DYNC2H1: variants seen among roughly 807,000 people sequenced by gnomAD.
The protein encoded by DYNC2H1 is dynein cytoplasmic 2 heavy chain 1.
A neutral mutation model predicts 570.0 loss-of-function variants in DYNC2H1; 410 were observed. The observed-to-expected ratio is 0.72, with a 90% CI of 0.66 to 0.78. DYNC2H1 has a LOEUF of 0.78. DYNC2H1 is among the 30% of genes least tolerant of loss of function. The probability of loss-of-function intolerance (pLI) is 0.00; values close to 1 mark genes in which losing one functional copy is unlikely to be tolerated. For synonymous variants in DYNC2H1, 1,688 were observed against 1,677.6 expected (o/e 1.01, Z -0.15); for missense variants, 4,865 against 5,046.4 (o/e 0.96, Z 1.09).
At chr11:103,383,646 T>C (rs1274562326) in intron 83 of DYNC2H1, among the ~76,000 whole-genome samples, 1 of 109,526 alleles carries the variant, frequency 9.1e-6, no homozygotes, top group Non-Finnish European at 2.0e-5. Flanking sequence ...GCTAATTTTT[T>C]TGTATTTTTA....
intron 12 of DYNC2H1, among the ~76,000 whole-genome samples, chr11:103,126,485 A>T (rs1462566361): frequency 6.6e-6 from 1 of 152,184 alleles, no homozygotes; most frequent in Non-Finnish European, 1.5e-5. Flanking sequence ...CTTGTGGTAG[A>T]TGCTTTCGTT....
intron 47 of DYNC2H1, among the ~76,000 whole-genome samples, chr11:103,197,450 T>C (rs992425777): frequency 6.6e-6 from 1 of 152,078 alleles, no homozygotes; most frequent in African/African-American, 2.4e-5. Context: ...ATTTCTTTTC[T>C]ATTTATTTAT....
At chr11:103,349,354 T>A (rs1939925417) in intron 82 of DYNC2H1, among the ~76,000 whole-genome samples, 1 of 152,168 alleles carries the variant, frequency 6.6e-6, no homozygotes, top group African/African-American at 2.4e-5. Flanking sequence ...GTTGTGTATA[T>A]ACATGATATA....
chr11:103,254,603 G>T lies in DYNC2H1; in HGVS notation c.10207-812G>T, dbSNP rs1208541208. 6.6e-6 allele frequency among the ~76,000 whole-genome samples: 1 copy of T among 152,058 alleles called. No homozygotes were observed. Among genetic ancestry groups the T allele is most frequent in the East Asian group, 1.9e-4 (1 of 5,196 alleles). On this transcript the variant is annotated intron_variant, in intron 66 of 88. Coordinates refer to ENST00000375735, the MANE Select transcript of DYNC2H1 (RefSeq NM_001377.3). The surrounding 1 kb of genome is among the most constrained non-coding windows in gnomAD (Gnocchi z 4.9). ...TTTGAGAAACAAATCTTTCCAAAGT[G>T]GCTGCACTATTTACTTTCCCACCAG...
At position 103,324,884 on chromosome 11, in the gene DYNC2H1, G is replaced by T. The variant is rs1337204510; in HGVS notation, c.12039+894G>T. On this transcript the variant is annotated intron_variant, in intron 82 of 88. Transcript: ENST00000375735. The surrounding 1 kb of genome is among the most constrained non-coding windows in gnomAD (Gnocchi z 5.2). ...ACCTTGCCAGCACCTGTTATTTTTTGACTTTTTAATAATAGCCAGTCTGAT... is the reference window on the plus strand; with the variant it reads ...ACCTTGCCAGCACCTGTTATTTTTTTACTTTTTAATAATAGCCAGTCTGAT... Among the ~76,000 whole-genome samples the T allele has an allele frequency of 1.3e-5, 2 of 152,054 alleles. No homozygotes were observed. Among genetic ancestry groups the T allele is most frequent in the Non-Finnish European group, 2.9e-5 (2 of 67,998 alleles).
intron 78 of DYNC2H1, among the ~76,000 whole-genome samples, 191 bp downstream of exon 78, chr11:103,308,022 T>G (rs1867380041): frequency 6.6e-6 from 1 of 152,240 alleles, no homozygotes; most frequent in South Asian, 2.1e-4. Flanking sequence ...TTCATACTTA[T>G]GTTTTTTGTT....
chr11:103,206,557 G>A (rs1420902915), intron 52 of DYNC2H1, among the ~76,000 whole-genome samples: 1 of 152,122 alleles, frequency 6.6e-6, no homozygotes, highest in Non-Finnish European at 1.5e-5. Context: ...TCAACATTAA[G>A]AAACTGGAGA....
intron 17 of DYNC2H1, among the ~76,000 whole-genome samples, chr11:103,141,738 C>T (rs1859948682): frequency 2.0e-5 from 3 of 152,230 alleles, no homozygotes; most frequent in Admixed American, 6.5e-5. Flanking sequence ...TTGCTCTCTT[C>T]AAAGCTGTCA....
chr11:103,389,775 A>C (rs1942055049), intron 83 of DYNC2H1, among the ~76,000 whole-genome samples: 2 of 151,972 alleles, frequency 1.3e-5, no homozygotes, highest in Non-Finnish European at 2.9e-5. Flanking sequence ...ATTCAGGAGC[A>C]GGTTGTTCAG....
intron 70 of DYNC2H1, among the ~76,000 whole-genome samples, chr11:103,263,510 T>C (rs1327655153): frequency 1.3e-5 from 2 of 151,976 alleles, no homozygotes; most frequent in Non-Finnish European, 1.5e-5. Flanking sequence ...TAACAAATAG[T>C]CTCTCACAAC....
At position 103,425,424 on chromosome 11, in the gene DYNC2H1, G is replaced by A. The variant is rs533718005; in HGVS notation, c.12367-10519G>A. Among the ~76,000 whole-genome samples the A allele has an allele frequency of 2.6e-5, 4 of 152,122 alleles. No individual in the cohort carries two copies. The South Asian group carries it at 8.3e-4, about 32-fold the overall frequency. The stretch of plus-strand genomic sequence containing the variant: ...ACTTTTCCTTGTATCCTCATATGGT[G>A]GAAAGAGTGCAGGCTAGCTCTCTAA... On this transcript the variant is annotated intron_variant, in intron 84 of 88. Transcript: ENST00000375735.
chr11:103,354,898 G>A (rs565466019), intron 82 of DYNC2H1, among the ~76,000 whole-genome samples: 1 of 149,954 alleles, frequency 6.7e-6, no homozygotes, highest in Non-Finnish European at 1.5e-5. Flanking sequence ...TGACTTTTCT[G>A]AATATGAGAA....
chr11:103,147,995 A>C, intron 19 of DYNC2H1, 108 bp downstream of exon 19: 10 of 758,174 alleles, frequency 1.3e-5, no homozygotes, highest in Non-Finnish European at 1.9e-5. Flanking sequence ...CCAAAACTGA[A>C]CTAATTTAAA....
rs767914868 is a variant in DYNC2H1, at chr11:103,154,585, A to G, written c.3437A>G (p.Asn1146Ser). 3.4e-5 allele frequency: 55 copies of G among 1,600,674 alleles called. No homozygotes were observed. Among genetic ancestry groups the G allele is most frequent in the African/African-American group, 4.0e-5 (3 of 74,510 alleles). Reference protein sequence around the residue: ...EFQQGFQEMANEDWITFRTKT... With the variant: ...EFQQGFQEMASEDWITFRTKT... ...CAACAAGGATTTCAGGAAATGGCCAATGAAGACTGGATCACTTTTCGGTTT... is the reference window on the plus strand; with the variant it reads ...CAACAAGGATTTCAGGAAATGGCCAGTGAAGACTGGATCACTTTTCGGTTT... Residue 1146 changes from asparagine (N) to serine (S), a missense_variant, in exon 23 of 89, where the codon AAT becomes AGT. Physicochemically the swap from Asn to Ser is conservative, Grantham distance 46 (BLOSUM62 1). Coordinates refer to ENST00000375735, the MANE Select transcript of DYNC2H1 (RefSeq NM_001377.3).
At position 103,186,473 on chromosome 11, in the gene DYNC2H1, C is replaced by T; in HGVS notation, c.6865C>T (p.Leu2289=). ...TTCTGATACTAAACAGCCCTTTATT[C>T]TGGTAGGACCAGAAGGATGTGGCAA... The part of the protein sequence containing the change: ...LSSDTKQPFI[L]VGPEGCGKGM... Residue 2289 remains leucine, a synonymous_variant, in exon 42 of 89, where the codon CTG becomes TTG. Coordinates refer to ENST00000375735, the MANE Select transcript of DYNC2H1 (RefSeq NM_001377.3). The surrounding 1 kb of genome is among the most constrained non-coding windows in gnomAD (Gnocchi z 4.5). The T allele has an allele frequency of 6.2e-7, 1 of 1,611,644 alleles. No individual in the cohort carries two copies. The highest frequency in any genetic ancestry group is 8.5e-7 in the Non-Finnish European group (1 of 1,178,970).
rs1865042898 is a variant in DYNC2H1 at position 103,256,010 on chromosome 11, C to A, written c.10327-96C>A. On this transcript the variant is annotated intron_variant, in intron 67 of 88. Coordinates refer to ENST00000375735, the MANE Select transcript of DYNC2H1 (RefSeq NM_001377.3). This position sits in a 1 kb window ranked among gnomAD's most constrained non-coding sequence, Gnocchi z 4.0. ...AATTCTTCTAAAATAACATAAGTTG[C>A]CATAAACATCAAATGAATGACAGTT... 1 of 1,059,676 alleles carries A rather than the reference C, an allele frequency of 9.4e-7. No homozygotes were observed. 65.6% of individuals were successfully genotyped at this position (1,059,676 alleles called of 1,614,324 possible).
intron 70 of DYNC2H1, among the ~76,000 whole-genome samples, chr11:103,270,209 AT>A (rs1290767520): frequency 3.2e-4 from 44 of 136,054 alleles, no homozygotes; most frequent in Admixed American, 1.0e-3. Context: ...AAAAAAAAAA[AT>A]AATAATAATA....
At chr11:103,352,505 C>T (rs1016687611) in intron 82 of DYNC2H1, among the ~76,000 whole-genome samples, 1 of 152,052 alleles carries the variant, frequency 6.6e-6, no homozygotes, top group Admixed American at 6.6e-5. Flanking sequence ...AATGTGTTTT[C>T]ATATTTCCAA....
intron 77 of DYNC2H1, among the ~76,000 whole-genome samples, chr11:103,306,387 T>A (rs1867284760): frequency 6.6e-6 from 1 of 152,150 alleles, no homozygotes; most frequent in South Asian, 2.1e-4. Flanking sequence ...TATTATATAA[T>A]TTTTAAAATA....
Sources: allele counts gnomAD v4.1 joint callset (sites outside exome capture counted in the v4.1 genomes callset), GRCh38; gene constraint gnomAD v4.1.1; non-coding constraint Gnocchi (gnomAD v3.1); transcripts MANE v1.5; gene names NCBI Gene and HGNC (gene_info 2026-07-23, HGNC 2026-07-21).